Variants in TECR observed in about 807,000 individuals in gnomAD.
TECR encodes the protein very-long-chain enoyl-CoA reductase.
A neutral mutation model predicts 50.6 loss-of-function variants in TECR; 19 were observed. The observed-to-expected ratio is 0.38, with a 90% CI of 0.26 to 0.55. TECR has a LOEUF of 0.55. TECR is among the 20% of genes least tolerant of loss of function. The probability of loss-of-function intolerance (pLI) is 0.79; values close to 1 mark genes in which losing one functional copy is unlikely to be tolerated. For synonymous variants in TECR, 168 were observed against 163.5 expected (o/e 1.03, Z -0.21); for missense variants, 313 against 408.3 (o/e 0.77, Z 2.01).
chr19:14,551,872 C>T (rs2073520396), intron 1 of TECR, among the ~76,000 whole-genome samples: 2 of 150,274 alleles, frequency 1.3e-5, no homozygotes, highest in African/African-American at 4.9e-5. Flanking sequence ...TTATTTCTTC[C>T]TTTCTTCCTC....
chr19:14,551,948 TC>T (rs2073531472), intron 1 of TECR, among the ~76,000 whole-genome samples: 1 of 23,244 alleles, frequency 4.3e-5, no homozygotes, highest in Non-Finnish European at 8.2e-5. Flanking sequence ...CCTCCCTCCC[TC>T]TCTCTCTCTC....
rs1244574361 is a variant in TECR, at chr19:14,563,788, G to T, written c.164-12G>T. On this transcript the variant is annotated splice_polypyrimidine_tract_variant and intron_variant, in intron 4 of 12. Transcript: ENST00000215567. This position sits in a 1 kb window ranked among gnomAD's most constrained non-coding sequence, Gnocchi z 5.3. ...CCGGGTAGCCCCTGAGCCCTGGCCCGCCTCTCTGCAGAGGGCAAGTCCCTG... is the reference window on the plus strand; with the variant it reads ...CCGGGTAGCCCCTGAGCCCTGGCCCTCCTCTCTGCAGAGGGCAAGTCCCTG... 6.2e-7 allele frequency: 1 copy of T among 1,613,546 alleles called. No individual in the cohort carries two copies.
intron 1 of TECR, among the ~76,000 whole-genome samples, chr19:14,543,413 ATATATATTTTTTTTTTTTTTTTTTTTTTT>A (rs1227341599): frequency 2.0e-3 from 19 of 9,544 alleles, no homozygotes; most frequent in Non-Finnish European, 4.0e-3. Flanking sequence ...ATATATATAT[ATATATATTTTTTTTTTTTTTTTTTTTTTT>A]TTTTTTTTTT....
At chr19:14,557,810 C>T (rs2073783183) in intron 1 of TECR, among the ~76,000 whole-genome samples, 1 of 151,546 alleles carries the variant, frequency 6.6e-6, no homozygotes, top group Non-Finnish European at 1.5e-5. Flanking sequence ...GGCTGGAGTG[C>T]AGTGGCGCGA....
chr19:14,564,377 T>C, intron 7 of TECR, 90 bp downstream of exon 7: 1 of 927,834 alleles, frequency 1.1e-6, no homozygotes, highest in Non-Finnish European at 1.5e-6. Context: ...AGGCCCTTCC[T>C]GTCTGCCACT....
chr19:14,565,835 G>A lies in TECR; in HGVS notation c.891G>A (p.Pro297=). ...ACCTGAAGGAGTTCCGGGACTACCC[G>A]CCCCTGCGCATGCCCATCATCCCCT... ...RSYLKEFRDY[P]PLRMPIIPFL... is the part of the protein sequence containing the mutation. Residue 297 remains proline (P), a synonymous_variant, in exon 13 of 13, where the codon CCG becomes CCA. Coordinates refer to ENST00000215567, the MANE Select transcript of TECR (RefSeq NM_138501.6). 6.3e-7 allele frequency: 1 copy of A among 1,597,634 alleles called. No individual in the cohort carries two copies.
At chr19:14,554,315 C>T (rs1599473407) in intron 1 of TECR, among the ~76,000 whole-genome samples, 1 of 152,160 alleles carries the variant, frequency 6.6e-6, no homozygotes, top group South Asian at 2.1e-4. Flanking sequence ...AGGCAGGTCA[C>T]GTCCTAGGAC....
At chr19:14,544,230 T>C (rs1379234543) in intron 1 of TECR, among the ~76,000 whole-genome samples, 6 of 151,772 alleles carry the variant, frequency 4.0e-5, no homozygotes, top group Non-Finnish European at 7.4e-5. Flanking sequence ...CTCATCACCT[T>C]GTCACCTCAT....
At chr19:14,537,841 G>C (rs926970632) in intron 1 of TECR, among the ~76,000 whole-genome samples, 3 of 150,970 alleles carry the variant, frequency 2.0e-5, no homozygotes, top group African/African-American at 4.9e-5. Context: ...CGCCTCCCGG[G>C]TTCAGGCGAT....
At chr19:14,558,715 C>T (rs949035588) in intron 1 of TECR, among the ~76,000 whole-genome samples, 3 of 152,170 alleles carry the variant, frequency 2.0e-5, no homozygotes, top group East Asian at 3.9e-4. Flanking sequence ...ACACCAGTAG[C>T]CCCCCTCCCA....
chr19:14,555,049 T>C (rs1396250921), intron 1 of TECR, among the ~76,000 whole-genome samples: 1 of 151,790 alleles, frequency 6.6e-6, no homozygotes. Context: ...AGTGCTGGGA[T>C]TACAGGCGTG....
At chr19:14,537,545 T>C (rs2072945765) in intron 1 of TECR, among the ~76,000 whole-genome samples, 1 of 152,078 alleles carries the variant, frequency 6.6e-6, no homozygotes, top group Admixed American at 6.6e-5. Context: ...TCCTGCACTT[T>C]CATTGACAAG....
At chr19:14,529,780 C>G in intron 1 of TECR, 69 bp downstream of exon 1, 1 of 1,607,190 alleles carries the variant, frequency 6.2e-7, no homozygotes, top group Non-Finnish European at 8.5e-7. Context: ...TGCGGGACCA[C>G]GGGACCCCAC....
At chr19:14,564,603 C>T (rs2074015400) in intron 7 of TECR, 183 bp from the exon 8 acceptor site, 1 of 631,966 alleles carries the variant, frequency 1.6e-6, no homozygotes, top group Non-Finnish European at 2.8e-6. Flanking sequence ...CTCCTGTCCA[C>T]CACGCCCTCA....
rs1388159920 is a variant in TECR at position 14,563,937 on chromosome 19, C to T, written c.267+34C>T. Reference sequence around the variant, plus strand: ...TGACCCTACCCACGGCCTCTTTTCCCGTCAGCCACGTTGGGTGACTCATCT... The same window carrying T: ...TGACCCTACCCACGGCCTCTTTTCCTGTCAGCCACGTTGGGTGACTCATCT... On this transcript the variant is annotated intron_variant, in intron 5 of 12. Transcript: ENST00000215567. The surrounding 1 kb of genome is among the most constrained non-coding windows in gnomAD (Gnocchi z 5.3). 4 of 1,613,944 alleles carry T rather than the reference C, an allele frequency of 2.5e-6. No homozygotes were observed. Among genetic ancestry groups the T allele is most frequent in the Middle Eastern group, 1.7e-4 (1 of 6,058 alleles).
upstream of TECR, among the ~76,000 whole-genome samples, chr19:14,528,608 G>A (rs1213086542): frequency 6.6e-6 from 1 of 152,086 alleles, no homozygotes; most frequent in Admixed American, 6.6e-5. Context: ...ACGTCAGGCA[G>A]AGACCAATGT....
chr19:14,563,598 G>T lies in TECR; in HGVS notation c.119-60G>T. On this transcript the variant is annotated intron_variant, in intron 3 of 12. Coordinates refer to ENST00000215567, the MANE Select transcript of TECR (RefSeq NM_138501.6). This position sits in a 1 kb window ranked among gnomAD's most constrained non-coding sequence, Gnocchi z 5.3. Reference sequence around the variant, plus strand: ...CCTGAGAAGCTGGCACAGTGGCTGGGCAGCGGACCGGCTGAGCCCTGCCAG... The same window carrying T: ...CCTGAGAAGCTGGCACAGTGGCTGGTCAGCGGACCGGCTGAGCCCTGCCAG... 1 of 1,606,110 alleles carries T rather than the reference G, an allele frequency of 6.2e-7. No homozygotes were observed. The highest frequency in any genetic ancestry group is 1.3e-5 in the African/African-American group (1 of 74,862).
chr19:14,553,766 C>T (rs937568987), intron 1 of TECR, among the ~76,000 whole-genome samples: 2 of 152,102 alleles, frequency 1.3e-5, no homozygotes, highest in Non-Finnish European at 2.9e-5. Context: ...GCCAGGCCTC[C>T]GACCTCTATG....
chr19:14,543,411 ATATATATATTTTTTTTTTTTTTTTT>A (rs2073181802), intron 1 of TECR, among the ~76,000 whole-genome samples: 2 of 9,128 alleles, frequency 2.2e-4, no homozygotes, highest in African/African-American at 7.2e-4. Context: ...ATATATATAT[ATATATATATTTTTTTTTTTTTTTTT>A]TTTTTTTTTT....
Sources: allele counts gnomAD v4.1 joint callset (sites outside exome capture counted in the v4.1 genomes callset), GRCh38; gene constraint gnomAD v4.1.1; non-coding constraint Gnocchi (gnomAD v3.1); transcripts MANE v1.5; gene names NCBI Gene and HGNC (gene_info 2026-07-23, HGNC 2026-07-21).